Variants in CNTNAP2 observed in about 807,000 individuals in gnomAD.
CNTNAP2 encodes contactin-associated protein-like 2.
In CNTNAP2, 98 loss-of-function variants were observed where a neutral mutation model predicts 155.2. That is an observed-to-expected ratio of 0.63 (90% confidence interval 0.54 to 0.75). The LOEUF is 0.75. CNTNAP2 is among the 30% of genes least tolerant of loss of function. The pLI is 0.00. For synonymous variants in CNTNAP2, 651 were observed against 631.2 expected, an observed-to-expected ratio of 1.03 and a Z score of -0.47; for missense variants, 1,727 against 1,688.1, an observed-to-expected ratio of 1.02 and a Z score of -0.40.
intron 1 of CNTNAP2, among the ~76,000 whole-genome samples, chr7:146,689,142 T>A (rs921947247): frequency 5.3e-5 from 8 of 152,218 alleles, no homozygotes; most frequent in Non-Finnish European, 7.4e-5. Context: ...TGTTTCCTTT[T>A]GACTTGCCCT....
At chr7:146,361,699 G>A (rs1268217143) in intron 1 of CNTNAP2, among the ~76,000 whole-genome samples, 1 of 152,104 alleles carries the variant, frequency 6.6e-6, no homozygotes, top group Non-Finnish European at 1.5e-5. Context: ...ATTTTCAAGT[G>A]GGAAATTAGA....
intron 1 of CNTNAP2, among the ~76,000 whole-genome samples, chr7:146,265,700 TTCACCTACCTTGGCCTCCCA>T (rs1799984499): frequency 6.6e-6 from 1 of 152,176 alleles, no homozygotes; most frequent in Admixed American, 6.5e-5. Context: ...GCTTAAGTGA[TTCACCTACCTTGGCCTCCCA>T]AAATGCTATG....
chr7:147,167,294 C>A, intron 8 of CNTNAP2: 1 of 407,226 alleles, frequency 2.5e-6, no homozygotes. Context: ...CGTTTATAAT[C>A]ACTGTAAACT....
intron 1 of CNTNAP2, among the ~76,000 whole-genome samples, chr7:146,306,800 C>G (rs1042430042): frequency 2.0e-5 from 3 of 152,136 alleles, no homozygotes; most frequent in Non-Finnish European, 4.4e-5. Flanking sequence ...GCTAAAAGCT[C>G]TCAATAAACT....
rs1800404018 is a variant in CNTNAP2, at chr7:146,676,682, G to A, written c.98-97589G>A. On this transcript the variant is annotated intron_variant, in intron 1 of 23. Transcript: ENST00000361727. Reference sequence around the variant, plus strand: ...CTCTCAGTTCTACATGGCTAGGGAAGCCTCACAATAATGGAAGAAAGCAAA... The same window carrying A: ...CTCTCAGTTCTACATGGCTAGGGAAACCTCACAATAATGGAAGAAAGCAAA... Among the ~76,000 whole-genome samples, 4 of 152,222 alleles carry A rather than the reference G, an allele frequency of 2.6e-5. No individual in the cohort carries two copies. The South Asian group carries it at 8.3e-4, about 32-fold the overall frequency.
intron 18 of CNTNAP2, among the ~76,000 whole-genome samples, chr7:148,197,681 A>G (rs1795298355): frequency 6.6e-6 from 1 of 152,220 alleles, no homozygotes; most frequent in Admixed American, 6.5e-5. Flanking sequence ...AAATTGAATT[A>G]AAAGAAAGCA....
chr7:147,422,900 AAT>A (rs1214358958), intron 10 of CNTNAP2, among the ~76,000 whole-genome samples: 4 of 152,214 alleles, frequency 2.6e-5, no homozygotes, highest in Non-Finnish European at 4.4e-5. Flanking sequence ...GCAAATATCT[AAT>A]GATAATTTTT....
At chr7:147,209,017 A>G (rs1251785697) in intron 8 of CNTNAP2, among the ~76,000 whole-genome samples, 1 of 151,952 alleles carries the variant, frequency 6.6e-6, no homozygotes, top group Non-Finnish European at 1.5e-5. Flanking sequence ...GTTTGTTTTT[A>G]TGTATATTGT....
chr7:148,106,453 C>T (rs1585128486), intron 15 of CNTNAP2, among the ~76,000 whole-genome samples: 2 of 148,866 alleles, frequency 1.3e-5, no homozygotes, highest in South Asian at 4.2e-4. Flanking sequence ...CCCAGAGTCA[C>T]CCCCACCCCC....
At chr7:147,530,441 G>A (rs1028283899) in intron 11 of CNTNAP2, among the ~76,000 whole-genome samples, 1 of 152,106 alleles carries the variant, frequency 6.6e-6, no homozygotes, top group African/African-American at 2.4e-5. Context: ...GGCTCCCAAA[G>A]TGCTGGGATT....
chr7:148,065,778 C>T (rs1265838979), intron 15 of CNTNAP2, among the ~76,000 whole-genome samples: 2 of 152,186 alleles, frequency 1.3e-5, no homozygotes. Flanking sequence ...AAGTCATTTA[C>T]ATTCAACATT....
intron 21 of CNTNAP2, among the ~76,000 whole-genome samples, chr7:148,345,152 G>A (rs1395461796): frequency 1.3e-5 from 2 of 152,108 alleles, no homozygotes; most frequent in East Asian, 1.9e-4. Flanking sequence ...TTAGGGAGGT[G>A]GGGACCCATC....
At chr7:148,101,350 A>AGAGTGTGTGT (rs1247428489) in intron 15 of CNTNAP2, among the ~76,000 whole-genome samples, 72 of 144,358 alleles carry the variant, frequency 5.0e-4, no homozygotes, top group African/African-American at 1.8e-3. Flanking sequence ...TAAAAAGTTC[A>AGAGTGTGTGT]GTGTGTGTGT....
At chr7:146,583,309 C>G (rs1443383774) in intron 1 of CNTNAP2, among the ~76,000 whole-genome samples, 2 of 151,868 alleles carry the variant, frequency 1.3e-5, no homozygotes, top group Non-Finnish European at 2.9e-5. Flanking sequence ...GAAAGGGAAG[C>G]GAGGCACAGT....
intron 1 of CNTNAP2, among the ~76,000 whole-genome samples, chr7:146,160,564 C>T (rs754540542): frequency 6.6e-5 from 10 of 152,150 alleles, no homozygotes; most frequent in Non-Finnish European, 1.3e-4. Flanking sequence ...TCAGAGAATA[C>T]TACAAACATC....
In CNTNAP2 at chr7:148,308,885, G is replaced by C. The variant is rs184604396; in HGVS notation, c.3475+41759G>C. 9.9e-5 allele frequency among the ~76,000 whole-genome samples: 15 copies of C among 152,280 alleles called. No individual in the cohort carries two copies. The East Asian group carries it at 2.1e-3, about 22-fold the overall frequency. On this transcript the variant is annotated intron_variant, in intron 21 of 23. Transcript: ENST00000361727. Reference sequence around the variant, plus strand: ...AATGATGGTTTCCAGCTTCATCCAAGTCCCTGCAAAGGACGTGAACTCATC... The same window carrying C: ...AATGATGGTTTCCAGCTTCATCCAACTCCCTGCAAAGGACGTGAACTCATC...
intron 12 of CNTNAP2, among the ~76,000 whole-genome samples, chr7:147,583,189 A>G (rs987930911): frequency 2.6e-5 from 4 of 152,118 alleles, no homozygotes; most frequent in Admixed American, 6.6e-5. Context: ...ATAATTATCT[A>G]GAAACCCTGA....
In CNTNAP2 at chr7:146,128,813, A is replaced by T. The variant is rs371701883; in HGVS notation, c.97+11840A>T. 8.5e-4 allele frequency among the ~76,000 whole-genome samples: 129 copies of T among 152,240 alleles called. 2 individuals are homozygous for T. The South Asian group carries it at 0.025, about 30-fold the overall frequency. On this transcript the variant is annotated intron_variant, in intron 1 of 23. Coordinates refer to ENST00000361727, the MANE Select transcript of CNTNAP2 (RefSeq NM_014141.6). Reference sequence around the variant, plus strand: ...AGCTAAAAGCATCATACTAAGAAGTATTATAATTGTAATATAATGTTAGTT... The same window carrying T: ...AGCTAAAAGCATCATACTAAGAAGTTTTATAATTGTAATATAATGTTAGTT...
At chr7:148,221,361 T>C (rs367725875) in intron 19 of CNTNAP2, among the ~76,000 whole-genome samples, 1 of 152,098 alleles carries the variant, frequency 6.6e-6, no homozygotes, top group Admixed American at 6.5e-5. Flanking sequence ...ACTCAGAGGA[T>C]GTTGGGCCAG....
Sources: allele counts gnomAD v4.1 joint callset (sites outside exome capture counted in the v4.1 genomes callset), GRCh38; gene constraint gnomAD v4.1.1; transcripts MANE v1.5; gene names NCBI Gene and HGNC (gene_info 2026-07-23, HGNC 2026-07-21).